The following LMO2 variants were observed in gnomAD, a reference collection of about 807,000 sequenced individuals.
The protein encoded by LMO2 is rhombotin-2.
Under a neutral mutation model 23.2 loss-of-function variants are expected in LMO2, and 20 were observed. The ratio of observed to expected loss-of-function variants is 0.86; its 90% CI spans 0.61 to 1.25. The LOEUF (loss-of-function observed/expected upper bound fraction) is 1.25, where lower values mean the gene tolerates loss of function less well. LMO2 is among the 50% of genes most tolerant of loss of function. The pLI is 0.00. For missense variants in LMO2, 270 were observed against 315.3 expected (o/e 0.86, Z 1.09); for synonymous variants, 123 against 130.2 (o/e 0.94, Z 0.38).
At chr11:33,870,942 C>T (rs547267060) in intron 2 of LMO2, 1 of 482,434 alleles carries the variant, frequency 2.1e-6, no homozygotes, top group Non-Finnish European at 2.7e-6. Context: ...AACTTAGGCT[C>T]TCCTGGGCCT....
chr11:33,885,346 C>T (rs1414435318), intron 1 of LMO2, among the ~76,000 whole-genome samples: 2 of 152,202 alleles, frequency 1.3e-5, no homozygotes, highest in Non-Finnish European at 2.9e-5. Context: ...ATGATCTGGA[C>T]TCATGAGCCG....
intron 2 of LMO2, among the ~76,000 whole-genome samples, chr11:33,877,803 G>A (rs1026008671): frequency 6.6e-6 from 1 of 151,932 alleles, no homozygotes; most frequent in African/African-American, 2.4e-5. Context: ...CAGCAGGAAG[G>A]AGTAGAGCTG....
At chr11:33,869,036 C>A (rs897874142) in intron 4 of LMO2, among the ~76,000 whole-genome samples, 1 of 152,260 alleles carries the variant, frequency 6.6e-6, no homozygotes, top group Non-Finnish European at 1.5e-5. Flanking sequence ...CGCCTCCAGG[C>A]TCTCCTCGTG....
chr11:33,859,679 C>T (rs1041043830), intron 5 of LMO2, 104 bp from the exon 6 acceptor site: 2 of 1,004,048 alleles, frequency 2.0e-6, no homozygotes, highest in Non-Finnish European at 1.5e-6. Context: ...TTCAGGATGT[C>T]AGGAAGCCAG....
chr11:33,872,402 A>C (rs750019277), intron 2 of LMO2, among the ~76,000 whole-genome samples: 5 of 152,208 alleles, frequency 3.3e-5, no homozygotes, highest in Non-Finnish European at 5.9e-5. Context: ...TAGTGCACAA[A>C]AGGGTGGCAC....
rs1856460766 is a variant in LMO2, at chr11:33,858,952, G to A, written c.*404C>T. On this transcript the variant is annotated 3_prime_UTR_variant, in exon 6 of 6. Transcript: ENST00000257818. The stretch of plus-strand genomic sequence containing the variant: ...TTGAAACAGGGGAGTTAAAAAGCCA[G>A]GAAGAAAAGAAATCAATTGCACATC... 1.2e-5 allele frequency: 3 copies of A among 254,396 alleles called. No individual in the cohort carries two copies. The South Asian group carries it at 3.5e-4, about 30-fold the overall frequency. The allele number at this position is 254,396 out of a possible 1,614,324, so 15.8% of individuals were successfully genotyped here. A position where few individuals can be genotyped will look rare whatever the true frequency, so the allele number is the denominator to read the frequency against.
Position 33,869,367 on chromosome 11 carries a change from C to T in LMO2, c.227G>A (p.Arg76Lys). 2.5e-6 allele frequency: 3 copies of T among 1,206,928 alleles called. No individual in the cohort carries two copies. The highest frequency in any genetic ancestry group is 3.1e-6 in the Non-Finnish European group (3 of 963,814). The allele number at this position is 1,206,928 out of a possible 1,614,324, so 74.8% of individuals were successfully genotyped here. A position where few individuals can be genotyped will look rare whatever the true frequency, so the allele number is the denominator to read the frequency against. The change falls in exon 4 of 6, where the codon AGG becomes AAG. Residue 76 changes from arginine (R) to lysine (K), a missense_variant. By Grantham distance (26) the Arg-to-Lys change is conservative. Around this residue, in one of 2 missense-constraint regions of LMO2, gnomAD observed 170 missense variants for 162.0 expected, o/e 1.05. Coordinates refer to ENST00000257818, the MANE Select transcript of LMO2 (RefSeq NM_005574.4). ...TTACTCTGAAGGGTCCAGGCTCTTC[C>T]TTTCGATGGCCGAGGACATTGGGGA... is the stretch of plus-strand genomic sequence containing the variant. ...PPSPMSSAIE[R>K]KSLDPSEEPV...
At chr11:33,883,370 T>C (rs1565036304) in intron 1 of LMO2, among the ~76,000 whole-genome samples, 1 of 152,236 alleles carries the variant, frequency 6.6e-6, no homozygotes, top group Non-Finnish European at 1.5e-5. Flanking sequence ...ACATAGGCCA[T>C]GTATTTGCCA....
chr11:33,872,716 C>T (rs1238297419), intron 2 of LMO2, among the ~76,000 whole-genome samples: 1 of 152,058 alleles, frequency 6.6e-6, no homozygotes, highest in African/African-American at 2.4e-5. Context: ...CGTTCATTAT[C>T]GTGGTGACTA....
At chr11:33,886,757 G>A (rs934263944) in intron 1 of LMO2, among the ~76,000 whole-genome samples, 5 of 152,138 alleles carry the variant, frequency 3.3e-5, no homozygotes, top group Non-Finnish European at 7.4e-5. Flanking sequence ...AATGTTGGGG[G>A]GCTCCTTTGT....
intron 4 of LMO2, among the ~76,000 whole-genome samples, chr11:33,869,122 C>T (rs7130137): frequency 0.19 from 29,176 of 152,120 alleles, 2,857 homozygotes; most frequent in Middle Eastern, 0.29. Flanking sequence ...CCCGCAGAGG[C>T]GCCGGGCCGA....
At position 33,892,009 on chromosome 11, in the gene LMO2, G is replaced by C. The variant is rs1000109210; in HGVS notation, c.-550C>G. ...CACTTAACGGCTGAGGGCAGGTGGG[G>C]GTATTTCCTTCTCAATTCTGCTCAA... On this transcript the variant is annotated 5_prime_UTR_variant, in exon 1 of 6. Transcript: ENST00000257818. 6.6e-6 allele frequency: 1 copy of C among 152,220 alleles called. No individual in the cohort carries two copies. The highest frequency in any genetic ancestry group is 2.4e-5 in the African/African-American group (1 of 41,422). The allele number at this position is 152,220 out of a possible 1,614,324, so 9.4% of individuals were successfully genotyped here. A position where few individuals can be genotyped will look rare whatever the true frequency, so the allele number is the denominator to read the frequency against.
At position 33,869,821 on chromosome 11, in the gene LMO2, G is replaced by A. The variant is rs1472460445; in HGVS notation, c.-105C>T. On this transcript the variant is annotated 5_prime_UTR_variant, in exon 3 of 6. Coordinates refer to ENST00000257818, the MANE Select transcript of LMO2 (RefSeq NM_005574.4). ...CCCGCCCGGCCGCCCGGAGCCCCTC[G>A]CACCTTCGGCCCGGGTCGCGGCGCG... is the stretch of plus-strand genomic sequence containing the variant. The A allele has an allele frequency of 1.8e-6, 2 of 1,085,030 alleles. No individual in the cohort carries two copies. Among genetic ancestry groups the A allele is most frequent in the Admixed American group, 5.2e-5 (1 of 19,080 alleles). 67.2% of individuals were successfully genotyped at this position (1,085,030 alleles called of 1,614,324 possible). A position where few individuals can be genotyped will look rare whatever the true frequency, so the allele number is the denominator to read the frequency against.
In LMO2 at chr11:33,869,906, G is replaced by A. The variant is rs1856962529; in HGVS notation, c.-190C>T. Reference sequence around the variant, plus strand: ...CCTAGGGGCGGGGAGGGGACCGTGCGTCTCTCTCCGGGCTTCCTCCTCTCT... The same window carrying A: ...CCTAGGGGCGGGGAGGGGACCGTGCATCTCTCTCCGGGCTTCCTCCTCTCT... On this transcript the variant is annotated 5_prime_UTR_variant, in exon 3 of 6. In the 5' UTR this introduces an upstream ATG that the reference lacks. Transcript: ENST00000257818. 1.9e-6 allele frequency: 2 copies of A among 1,050,026 alleles called. No homozygotes were observed. Among genetic ancestry groups the A allele is most frequent in the Non-Finnish European group, 2.3e-6 (2 of 871,222 alleles). 65.0% of individuals were successfully genotyped at this position (1,050,026 alleles called of 1,614,324 possible).
chr11:33,877,617 A>G (rs1857166905), intron 2 of LMO2, among the ~76,000 whole-genome samples: 1 of 151,798 alleles, frequency 6.6e-6, no homozygotes. Context: ...GGTGCACACT[A>G]CCACGCCTGG....
chr11:33,871,069 C>T (rs1408650295), intron 2 of LMO2: 1 of 984,330 alleles, frequency 1.0e-6, no homozygotes, highest in Non-Finnish European at 1.2e-6. Flanking sequence ...TTTATATGAT[C>T]AGTCTGGATC....
chr11:33,887,540 ATTTTTTTT>A (rs3072488), intron 1 of LMO2, among the ~76,000 whole-genome samples: 7 of 132,962 alleles, frequency 5.3e-5, no homozygotes, highest in African/African-American at 1.4e-4. Context: ...AGGAATGTGG[ATTTTTTTT>A]TTTTTTTTTT....
At position 33,858,927 on chromosome 11, in the gene LMO2, T is replaced by C; in HGVS notation, c.*429A>G. 1 of 243,966 alleles carries C rather than the reference T, an allele frequency of 4.1e-6. No homozygotes were observed. Among genetic ancestry groups the C allele is most frequent in the South Asian group, 1.4e-4 (1 of 7,226 alleles). 15.1% of individuals were successfully genotyped at this position (243,966 alleles called of 1,614,324 possible). On this transcript the variant is annotated 3_prime_UTR_variant, in exon 6 of 6. Transcript: ENST00000257818. ...CCTTCCCTTGTGTGGAGGACAGTGATTGAAACAGGGGAGTTAAAAAGCCAG... is the reference window on the plus strand; with the variant it reads ...CCTTCCCTTGTGTGGAGGACAGTGACTGAAACAGGGGAGTTAAAAAGCCAG...
intron 1 of LMO2, among the ~76,000 whole-genome samples, chr11:33,883,657 G>A (rs1857337567): frequency 6.6e-6 from 1 of 152,174 alleles, no homozygotes; most frequent in African/African-American, 2.4e-5. Context: ...GCCCCTTGAT[G>A]AGCGATTATC....
Sources: allele counts gnomAD v4.1 joint callset (sites outside exome capture counted in the v4.1 genomes callset), GRCh38; gene constraint gnomAD v4.1.1; regional missense constraint gnomAD v4.1.1; transcripts MANE v1.5; gene names NCBI Gene and HGNC (gene_info 2026-07-23, HGNC 2026-07-21).